Variants in ZNF256 observed in about 807,000 individuals in gnomAD.
The protein encoded by ZNF256 is bone marrow zinc finger 3.
Under a neutral mutation model 7.9 loss-of-function variants are expected in ZNF256, and 4 were observed. The observed-to-expected ratio is 0.50, with a 90% CI of 0.25 to 1.15. The LOEUF is 1.15. ZNF256 is among the 50% of genes most tolerant of loss of function. The pLI is 0.15. For synonymous variants in ZNF256, 260 were observed against 260.4 expected (o/e 1.00, Z 0.02); for missense variants, 666 against 755.9 (o/e 0.88, Z 1.39).
chr19:57,943,059 G>A (rs1421801572), intron 2 of ZNF256, among the ~76,000 whole-genome samples: 3 of 152,188 alleles, frequency 2.0e-5, no homozygotes, highest in African/African-American at 7.2e-5. Flanking sequence ...CAACACTGAA[G>A]AGCACTGCAG....
chr19:57,942,236 G>C lies in ZNF256; in HGVS notation c.572C>G (p.Thr191Ser), dbSNP rs767643993. 6.2e-7 allele frequency: 1 copy of C among 1,614,188 alleles called. No individual in the cohort carries two copies. Among genetic ancestry groups the C allele is most frequent in the Non-Finnish European group, 8.5e-7 (1 of 1,180,038 alleles). The change falls in exon 3 of 3, where the codon ACC becomes AGC. Residue 191 changes from threonine to serine, a missense_variant. Thr to Ser is a moderately conservative substitution (Grantham distance 58). Coordinates refer to ENST00000282308, the MANE Select transcript of ZNF256 (RefSeq NM_005773.3). The stretch of plus-strand genomic sequence containing the variant: ...CTTGGTTCTGTTTGACTTCTTTCTG[G>C]TGTGAGCAGCCTGTTGCTGAAGAAA... ...SRFLQQQAAH[T>S]RKKSNRTKSA...
chr19:57,943,172 G>A (rs1276020658), intron 2 of ZNF256, among the ~76,000 whole-genome samples: 1 of 152,210 alleles, frequency 6.6e-6, no homozygotes, highest in East Asian at 1.9e-4. Flanking sequence ...CAGCTGACAA[G>A]CAAGCTAAGT....
chr19:57,944,878 C>T (rs576725310), intron 1 of ZNF256, among the ~76,000 whole-genome samples: 3 of 151,636 alleles, frequency 2.0e-5, no homozygotes, highest in South Asian at 2.1e-4. Context: ...ATATAAGACA[C>T]GTGACATTGG....
At position 57,942,654 on chromosome 19, in the gene ZNF256, G is replaced by A; in HGVS notation, c.161-7C>T. On this transcript the variant is annotated splice_region_variant and splice_polypyrimidine_tract_variant and intron_variant, in intron 2 of 2. Coordinates refer to ENST00000282308, the MANE Select transcript of ZNF256 (RefSeq NM_005773.3). ...TCCCCTGCTCCAGAACCACCTGAAA[G>A]AAAGAAAATGCTGGTGAAGAGCATG... 6.2e-7 allele frequency: 1 copy of A among 1,609,370 alleles called. No individual in the cohort carries two copies. Among genetic ancestry groups the A allele is most frequent in the Non-Finnish European group, 8.5e-7 (1 of 1,176,956 alleles).
Position 57,942,526 on chromosome 19 carries a change from T to G in ZNF256, c.282A>C (p.Ile94=). Residue 94 remains isoleucine (I), a synonymous_variant, in exon 3 of 3, where the codon ATA becomes ATC. Coordinates refer to ENST00000282308, the MANE Select transcript of ZNF256 (RefSeq NM_005773.3). ...PSPQKTNPCE[I]CGPVLRQILH... The stretch of plus-strand genomic sequence containing the variant: ...AAATCTGTCTCAAGACTGGGCCACA[T>G]ATCTCACAGGGGTTGGTCTTCTGGG... 6.2e-7 allele frequency: 1 copy of G among 1,614,214 alleles called. No individual in the cohort carries two copies. The highest frequency in any genetic ancestry group is 8.5e-7 in the Non-Finnish European group (1 of 1,180,034).
rs770584456 is a variant in ZNF256, at chr19:57,942,273, C to G, written c.535G>C (p.Val179Leu). The G allele has an allele frequency of 6.2e-6, 10 of 1,614,218 alleles. No individual in the cohort carries two copies. Among genetic ancestry groups the G allele is most frequent in the Admixed American group, 1.7e-5 (1 of 60,014 alleles). The change falls in exon 3 of 3, where the codon GTG becomes CTG. Residue 179 changes from valine to leucine, a missense_variant. Physicochemically the swap from Val to Leu is conservative, Grantham distance 32. Transcript: ENST00000282308. ...TGTTGCTGAAGAAATCTTGATCTCA[C>G]CAGGAAATCCTTCCCAACCTCCTTG... ...TCKEVGKDFL[V>L]RSRFLQQQAA...
rs2123185716 is a variant in ZNF256, at chr19:57,941,092, T to C, written c.1716A>G (p.Glu572=). The C allele has an allele frequency of 6.2e-7, 1 of 1,614,172 alleles. No homozygotes were observed. The highest frequency in any genetic ancestry group is 1.6e-4 in the Middle Eastern group (1 of 6,062). Residue 572 remains glutamate (E), a synonymous_variant, in exon 3 of 3, where the codon GAA becomes GAG. Coordinates refer to ENST00000282308, the MANE Select transcript of ZNF256 (RefSeq NM_005773.3). ...LVKHRRVHTG[E]RPYECSECGK... ...CACATTCACTGCATTCATAAGGCCT[T>C]TCTCCGGTATGAACTCTTCGGTGTT...
At chr19:57,945,315 GT>G (rs1461340223) in intron 1 of ZNF256, among the ~76,000 whole-genome samples, 1 of 152,234 alleles carries the variant, frequency 6.6e-6, no homozygotes, top group Non-Finnish European at 1.5e-5. Flanking sequence ...TAGAATGTAA[GT>G]TTTGTAGCAT....
chr19:57,941,872 T>G lies in ZNF256; in HGVS notation c.936A>C (p.Ile312=), dbSNP rs775450953. 2.5e-6 allele frequency: 4 copies of G among 1,614,178 alleles called. No homozygotes were observed. In the Admixed American group the frequency reaches 6.7e-5, roughly 27 times the overall value. ...TTTCTCCAGTATGAACTCTCTGATG[T>G]ATAAGAAGGTCATACTTCCTGTTAA... ...KLFNRKYDLL[I]HQRVHTGERP... Residue 312 remains isoleucine, a synonymous_variant, in exon 3 of 3, where the codon ATA becomes ATC. Transcript: ENST00000282308.
In ZNF256 at chr19:57,941,185, G is replaced by A. The variant is rs775013543; in HGVS notation, c.1623C>T (p.His541=). Residue 541 remains histidine (H), a synonymous_variant, in exon 3 of 3, where the codon CAC becomes CAT. Coordinates refer to ENST00000282308, the MANE Select transcript of ZNF256 (RefSeq NM_005773.3). ...SSSLIRHRRS[H]TGERPYECSE... is the part of the protein sequence containing the mutation. ...TGCACTCATAAGGCCTTTCTCCGGT[G>A]TGACTTCTCCTATGTCTAATGAGGC... 1.3e-5 allele frequency: 21 copies of A among 1,614,024 alleles called. No individual in the cohort carries two copies. Among genetic ancestry groups the A allele is most frequent in the African/African-American group, 2.7e-5 (2 of 74,894 alleles).
At chr19:57,945,186 C>G (rs8104847) in intron 1 of ZNF256, among the ~76,000 whole-genome samples, 1 of 152,122 alleles carries the variant, frequency 6.6e-6, no homozygotes, top group South Asian at 2.1e-4. Flanking sequence ...TGAGCCACCA[C>G]GCCTGGCTGA....
rs761265905 is a variant in ZNF256, at chr19:57,942,175, G to A, written c.633C>T (p.Tyr211=). The A allele has an allele frequency of 5.0e-6, 8 of 1,614,092 alleles. No homozygotes were observed. The highest frequency in any genetic ancestry group is 2.2e-5 in the East Asian group (1 of 44,906). ...AVAFHSVKNH[Y]NWGECVKAFS... is the part of the protein sequence containing the mutation. The stretch of plus-strand genomic sequence containing the variant: ...AAGCTTTCACACATTCTCCCCAGTT[G>A]TAATGATTTTTTACACTGTGAAAGG... The change falls in exon 3 of 3, where the codon TAC becomes TAT. Residue 211 remains tyrosine (Y), a synonymous_variant. Coordinates refer to ENST00000282308, the MANE Select transcript of ZNF256 (RefSeq NM_005773.3).
intron 1 of ZNF256, among the ~76,000 whole-genome samples, chr19:57,945,104 C>T (rs920511237): frequency 6.6e-6 from 1 of 151,784 alleles, no homozygotes; most frequent in Non-Finnish European, 1.5e-5. Context: ...ACCGTGTTAG[C>T]CAGGATGGTC....
rs2072724857 is a variant in ZNF256, at chr19:57,941,191, TCTC to T, written c.1614_1616del (p.Arg539del). 4 of 1,614,060 alleles carry T rather than the reference TCTC, an allele frequency of 2.5e-6. No individual in the cohort carries two copies. Among genetic ancestry groups the T allele is most frequent in the African/African-American group, 1.3e-5 (1 of 74,926 alleles). On this transcript the variant is annotated inframe_deletion, in exon 3 of 3. Coordinates refer to ENST00000282308, the MANE Select transcript of ZNF256 (RefSeq NM_005773.3). ...CATAAGGCCTTTCTCCGGTGTGACT[TCTC>T]CTATGTCTAATGAGGCTGGAGCTCT...
At chr19:57,942,690 T>C (rs2072739347) in intron 2 of ZNF256, 43 bp from the exon 3 acceptor site, 1 of 1,587,548 alleles carries the variant, frequency 6.3e-7, no homozygotes, top group African/African-American at 1.3e-5. Flanking sequence ...CTGACTTTAG[T>C]GGAGTGGAGG....
chr19:57,947,371 A>C, intron 1 of ZNF256, 71 bp downstream of exon 1: 1 of 1,229,592 alleles, frequency 8.1e-7, no homozygotes, highest in Non-Finnish European at 1.0e-6. Flanking sequence ...CAGGGCCGCG[A>C]GCAAGCGCCC....
chr19:57,944,088 C>G, intron 1 of ZNF256, 28 bp from the exon 2 acceptor site: 2 of 1,612,470 alleles, frequency 1.2e-6, no homozygotes, highest in Non-Finnish European at 1.7e-6. Context: ...CATGAAACCA[C>G]AAACGGTTCC....
chr19:57,941,244 T>G lies in ZNF256; in HGVS notation c.1564A>C (p.Asn522His). 1 of 1,614,164 alleles carries G rather than the reference T, an allele frequency of 6.2e-7. No individual in the cohort carries two copies. Among genetic ancestry groups the G allele is most frequent in the Non-Finnish European group, 8.5e-7 (1 of 1,180,026 alleles). ...VHTGERPYEC[N>H]ECGKFFSQSS... is the part of the protein sequence containing the mutation. ...TGGCTAAAAAACTTCCCACATTCAT[T>G]GCACTCATAAGGCCTTTCTCCAGTG... The change falls in exon 3 of 3, where the codon AAT becomes CAT. Residue 522 changes from asparagine (N) to histidine (H), a missense_variant. Transcript: ENST00000282308.
rs1305883302 is a variant in ZNF256 at position 57,946,427 on chromosome 19, TC to T, written c.33+1014del. Among the ~76,000 whole-genome samples the T allele has an allele frequency of 5.3e-5, 8 of 152,188 alleles. 1 individual carries two copies. The highest frequency in any genetic ancestry group is 7.3e-5 in the Non-Finnish European group (5 of 68,034). ...TTCATCTTAGTTGATGAAACTTCTT[TC>T]CCTACAGCTGCTAATACCAAAAACC... On this transcript the variant is annotated intron_variant, in intron 1 of 2. Transcript: ENST00000282308.
Sources: gnomAD v4.1 joint callset for allele counts (sites outside exome capture counted in the v4.1 genomes callset) on GRCh38, gnomAD v4.1.1 for gene constraint, MANE v1.5 for transcripts, NCBI Gene and HGNC (gene_info 2026-07-23, HGNC 2026-07-21) for gene names.